The following NXPE4 variants were observed in gnomAD, a reference collection of about 807,000 sequenced individuals.
The protein encoded by NXPE4 is NXPE family member 4.
Under a neutral mutation model 33.3 loss-of-function variants are expected in NXPE4, and 42 were observed. The observed-to-expected ratio is 1.26, with a 90% CI of 0.98 to 1.63. The LOEUF is 1.63. NXPE4 is among the 40% of genes most tolerant of loss of function. The pLI, the probability that NXPE4 is intolerant of heterozygous loss-of-function variation, is 0.00. For missense variants in NXPE4, 709 were observed against 647.6 expected (o/e 1.09, Z -1.03); for synonymous variants, 253 against 234.9 (o/e 1.08, Z -0.71).
chr11:114,587,067 C>G (rs1386964625), intron 2 of NXPE4, among the ~76,000 whole-genome samples: 8 of 152,126 alleles, frequency 5.3e-5, no homozygotes, highest in African/African-American at 1.7e-4. Flanking sequence ...TTCCATGAGG[C>G]ATATTGTTGG....
the NXPE4 span, among the ~76,000 whole-genome samples, chr11:114,633,394 T>C: frequency 6.9e-6 from 1 of 145,226 alleles, no homozygotes; most frequent in Non-Finnish European, 1.5e-5. Context: ...TATTATATAT[T>C]ATATATTATA....
intron 2 of NXPE4, among the ~76,000 whole-genome samples, chr11:114,589,332 A>G (rs1949386737): frequency 6.6e-6 from 1 of 152,030 alleles, no homozygotes; most frequent in African/African-American, 2.4e-5. Flanking sequence ...GTAATTCTGG[A>G]AACTGAAGGA....
Position 114,594,694 on chromosome 11 carries a change from G to C in NXPE4, c.66C>G (p.Ile22Met), listed in dbSNP as rs371874054. ...TGGAGTTCTGGAAAACTGTAAAAAT[G>C]ATCCAGGAGGCTAATATAAACAACA... is the stretch of plus-strand genomic sequence containing the variant. ...LALLFILASWIIFTVFQNSTK... is the reference protein window; with the variant it reads ...LALLFILASWMIFTVFQNSTK... Residue 22 changes from isoleucine to methionine, a missense_variant, in exon 2 of 6, where the codon ATC becomes ATG. Ile to Met is a conservative substitution (Grantham distance 10, BLOSUM62 1). Transcript: ENST00000375478. 514 of 1,603,224 alleles carry C rather than the reference G, an allele frequency of 3.2e-4. No homozygotes were observed. The highest frequency in any genetic ancestry group is 4.3e-4 in the Non-Finnish European group (501 of 1,172,896).
chr11:114,602,716 CATATA>C, the NXPE4 span, among the ~76,000 whole-genome samples: 2 of 142,406 alleles, frequency 1.4e-5, no homozygotes, highest in Non-Finnish European at 3.0e-5. Context: ...TACAGAATCA[CATATA>C]ATTATCTCAT....
At chr11:114,594,585 A>G in intron 2 of NXPE4, 79 bp downstream of exon 2, 2 of 871,046 alleles carry the variant, frequency 2.3e-6, no homozygotes, top group Non-Finnish European at 3.8e-6. Context: ...CAAGTCTTGT[A>G]GTTTAGCCTT....
rs560475261 is a variant in NXPE4 at position 114,582,253 on chromosome 11, T to C, written c.830+35A>G. ...CAGTATATAGGCCAAATCACAATAT[T>C]TGCACAGGTAGTCTCAAGAAGTAAT... On this transcript the variant is annotated intron_variant, in intron 3 of 5. Coordinates refer to ENST00000375478, the MANE Select transcript of NXPE4 (RefSeq NM_001077639.2). 5 of 1,528,040 alleles carry C rather than the reference T, an allele frequency of 3.3e-6. No individual in the cohort carries two copies. The Admixed American group carries it at 8.6e-5, about 26-fold the overall frequency. The allele number at this position is 1,528,040 out of a possible 1,614,324, so 94.7% of individuals were successfully genotyped here. A position where few individuals can be genotyped will look rare whatever the true frequency, so the allele number is the denominator to read the frequency against.
chr11:114,647,052 C>G, the NXPE4 span, among the ~76,000 whole-genome samples: 1 of 152,206 alleles, frequency 6.6e-6, no homozygotes, highest in Non-Finnish European at 1.5e-5. Context: ...TCTCCTAAAG[C>G]ACACCTGCTT....
At chr11:114,610,991 C>A in the NXPE4 span, among the ~76,000 whole-genome samples, 1 of 151,586 alleles carries the variant, frequency 6.6e-6, no homozygotes, top group Non-Finnish European at 1.5e-5. Flanking sequence ...CCACTGTTAC[C>A]CACTGGATAA....
At chr11:114,649,007 A>C in the NXPE4 span, among the ~76,000 whole-genome samples, 4 of 152,326 alleles carry the variant, frequency 2.6e-5, no homozygotes, top group African/African-American at 4.8e-5. Flanking sequence ...CAAAAATAAT[A>C]AGGAAATACT....
the NXPE4 span, among the ~76,000 whole-genome samples, chr11:114,635,714 T>C: frequency 6.6e-6 from 1 of 152,014 alleles, no homozygotes; most frequent in Admixed American, 6.6e-5. Context: ...CTGCATCTAT[T>C]GAGATAATCA....
the NXPE4 span, among the ~76,000 whole-genome samples, chr11:114,625,836 A>C: frequency 1.6e-4 from 25 of 152,124 alleles, no homozygotes; most frequent in Non-Finnish European, 4.4e-5. Context: ...TGCAAGCTGA[A>C]GCATGGTGAG....
At chr11:114,663,868 A>G in the NXPE4 span, among the ~76,000 whole-genome samples, 2 of 152,162 alleles carry the variant, frequency 1.3e-5, no homozygotes, top group Middle Eastern at 3.2e-3. Context: ...ATAATCTGTC[A>G]TTAGGGAAAT....
chr11:114,601,911 TA>T, the NXPE4 span, among the ~76,000 whole-genome samples: 1 of 38,974 alleles, frequency 2.6e-5, no homozygotes, highest in Non-Finnish European at 5.2e-5. Context: ...ATATATTATA[TA>T]ATTATATATA....
chr11:114,621,993 C>T, the NXPE4 span, among the ~76,000 whole-genome samples: 2,107 of 151,896 alleles, frequency 0.014, 47 homozygotes, highest in African/African-American at 0.047. Flanking sequence ...CACTGTTAAC[C>T]GGTGGATAAT....
chr11:114,624,360 C>T, the NXPE4 span, among the ~76,000 whole-genome samples: 2 of 151,656 alleles, frequency 1.3e-5, no homozygotes, highest in Non-Finnish European at 2.9e-5. Flanking sequence ...ATTATTGCCC[C>T]AGGGTAACCA....
chr11:114,611,470 G>A, the NXPE4 span, among the ~76,000 whole-genome samples: 1 of 151,780 alleles, frequency 6.6e-6, no homozygotes, highest in Admixed American at 6.6e-5. Flanking sequence ...TTGCCTCGTG[G>A]GTAACCACTG....
Position 114,594,509 on chromosome 11 carries a change from ATT to A in NXPE4, c.96+153_96+154del, listed in dbSNP as rs1949534232. Among the ~76,000 whole-genome samples, 3 of 152,156 alleles carry A rather than the reference ATT, an allele frequency of 2.0e-5. No individual in the cohort carries two copies. In the South Asian group the frequency reaches 6.2e-4, roughly 32 times the overall value. The stretch of plus-strand genomic sequence containing the variant: ...ACACACAGTATTTATCCTCTCACAT[ATT>A]GCTTAATGATTATCAGGTATGTTGT... On this transcript the variant is annotated intron_variant, in intron 2 of 5. Coordinates refer to ENST00000375478, the MANE Select transcript of NXPE4 (RefSeq NM_001077639.2).
At chr11:114,622,893 A>C in the NXPE4 span, among the ~76,000 whole-genome samples, 4 of 151,464 alleles carry the variant, frequency 2.6e-5, no homozygotes, top group Non-Finnish European at 5.9e-5. Context: ...GTATTGCCTC[A>C]TAGGTAACCA....
At chr11:114,630,121 T>C in the NXPE4 span, among the ~76,000 whole-genome samples, 6 of 151,760 alleles carry the variant, frequency 4.0e-5, no homozygotes, top group African/African-American at 9.7e-5. Flanking sequence ...GATTCAATGC[T>C]GTACCCATCA....
Sources: allele counts gnomAD v4.1 joint callset (sites outside exome capture counted in the v4.1 genomes callset), GRCh38; gene constraint gnomAD v4.1.1; transcripts MANE v1.5; gene names NCBI Gene and HGNC (gene_info 2026-07-23, HGNC 2026-07-21).